SGCE: variants seen among roughly 807,000 people sequenced by gnomAD.
SGCE encodes the protein sarcoglycan epsilon.
SGCE carries 26 observed loss-of-function variants against 57.8 expected under a neutral mutation model. The observed-to-expected ratio is 0.45, with a 90% CI of 0.33 to 0.62. The LOEUF (loss-of-function observed/expected upper bound fraction) is 0.62, where lower values mean the gene tolerates loss of function less well. SGCE is among the 20% of genes least tolerant of loss of function. The pLI, the probability that SGCE is intolerant of heterozygous loss-of-function variation, is 0.02. For synonymous variants in SGCE, 183 were observed against 189.5 expected, an observed-to-expected ratio of 0.97 and a Z score of 0.28; for missense variants, 468 against 548.6, an observed-to-expected ratio of 0.85 and a Z score of 1.47.
rs1167547050 is a variant in SGCE at position 94,600,765 on chromosome 7, A to C, written c.918T>G (p.Asp306Glu). The change falls in exon 7 of 11, where the codon GAT (aspartate) becomes GAG (glutamate). Residue 306 changes from aspartate to glutamate, a missense_variant. Coordinates refer to ENST00000648936, the MANE Select transcript of SGCE (RefSeq NM_003919.3). Reference protein sequence around the residue: ...PDGGEYKPPSDSLKSRDYYTD... With the variant: ...PDGGEYKPPSESLKSRDYYTD... ...TGTAATAGTCTCTGCTTTTCAAAGA[A>C]TCAGAAGGGGGTTTGTATTCTCCAC... 3 of 1,613,666 alleles carry C rather than the reference A, an allele frequency of 1.9e-6. No individual in the cohort carries two copies. Among genetic ancestry groups the C allele is most frequent in the Non-Finnish European group, 2.5e-6 (3 of 1,179,876 alleles).
At chr7:94,640,545 A>G (rs1806238508) in intron 1 of SGCE, among the ~76,000 whole-genome samples, 1 of 152,072 alleles carries the variant, frequency 6.6e-6, no homozygotes, top group African/African-American at 2.4e-5. Context: ...TCTCCATCCT[A>G]TTCTCCCTTG....
Position 94,636,721 on chromosome 7 carries a change from A to G in SGCE, c.110-6880T>C, listed in dbSNP as rs113803351. On this transcript the variant is annotated intron_variant, in intron 1 of 10. Transcript: ENST00000648936. Reference sequence around the variant, plus strand: ...AAAAGTTAAGGCATTCAAATTCCTTAGAATCCTATTTACAGAAGAAGTACC... The same window carrying G: ...AAAAGTTAAGGCATTCAAATTCCTTGGAATCCTATTTACAGAAGAAGTACC... 8.5e-3 allele frequency among the ~76,000 whole-genome samples: 1,302 copies of G among 152,292 alleles called. 26 individuals carry two copies. Among genetic ancestry groups the G allele is most frequent in the African/African-American group, 0.03 (1,239 of 41,556 alleles).
At chr7:94,633,778 T>C (rs1047239687) in intron 1 of SGCE, among the ~76,000 whole-genome samples, 13 of 152,188 alleles carry the variant, frequency 8.5e-5, no homozygotes, top group Non-Finnish European at 1.6e-4. Flanking sequence ...TTAGTAAACA[T>C]TAAATTTTGA....
intron 10 of SGCE, chr7:94,587,858 A>T: frequency 6.5e-7 from 1 of 1,527,694 alleles, no homozygotes; most frequent in African/African-American, 1.4e-5. Flanking sequence ...TTCTGAATGA[A>T]AACATCCAAC....
At chr7:94,612,705 T>C (rs1390112379) in intron 5 of SGCE, among the ~76,000 whole-genome samples, 2 of 152,172 alleles carry the variant, frequency 1.3e-5, no homozygotes, top group Admixed American at 1.3e-4. Flanking sequence ...CAAACTACTT[T>C]CATCTCTACT....
intron 1 of SGCE, among the ~76,000 whole-genome samples, chr7:94,631,974 G>T (rs924887368): frequency 1.1e-4 from 17 of 152,092 alleles, no homozygotes; most frequent in Middle Eastern, 3.4e-3. Flanking sequence ...CTAGAAGAGA[G>T]TCTGGTATAT....
intron 1 of SGCE, among the ~76,000 whole-genome samples, chr7:94,647,371 T>C (rs1039999865): frequency 6.6e-6 from 1 of 152,064 alleles, no homozygotes; most frequent in Non-Finnish European, 1.5e-5. Flanking sequence ...CCCTAAAATA[T>C]CCCTCCTATC....
chr7:94,638,415 T>G (rs1181232060), intron 1 of SGCE, among the ~76,000 whole-genome samples: 2 of 152,186 alleles, frequency 1.3e-5, no homozygotes, highest in African/African-American at 4.8e-5. Flanking sequence ...ACTTCAGAGA[T>G]GTATGAAGAA....
chr7:94,619,079 T>TA (rs1802371373), intron 4 of SGCE, 123 bp from the exon 5 acceptor site: 2 of 732,372 alleles, frequency 2.7e-6, no homozygotes, highest in Non-Finnish European at 4.9e-6. Flanking sequence ...GCAATATTAA[T>TA]ACTGACTTTA....
At chr7:94,600,559 C>A in intron 7 of SGCE, 87 bp downstream of exon 7, 1 of 945,358 alleles carries the variant, frequency 1.1e-6, no homozygotes, top group Non-Finnish European at 1.7e-6. Flanking sequence ...GTTTTATGAA[C>A]CAAATGAAAC....
chr7:94,594,172 A>G (rs941722552), intron 9 of SGCE, among the ~76,000 whole-genome samples: 15 of 152,166 alleles, frequency 9.9e-5, no homozygotes, highest in African/African-American at 3.6e-4. Context: ...TACGTAATAG[A>G]TTTTTGATGT....
chr7:94,649,938 G>A (rs1400357270), intron 1 of SGCE, among the ~76,000 whole-genome samples: 4 of 152,066 alleles, frequency 2.6e-5, no homozygotes, highest in African/African-American at 7.2e-5. Flanking sequence ...TGTAGAATCC[G>A]AAACTACTCA....
intron 1 of SGCE, among the ~76,000 whole-genome samples, chr7:94,651,082 AT>A (rs761994987): frequency 2.0e-4 from 31 of 151,694 alleles, no homozygotes; most frequent in East Asian, 3.9e-4. Context: ...AACCTAACTA[AT>A]TTTTTTTTCT....
chr7:94,614,624 T>C (rs912030241), intron 5 of SGCE, among the ~76,000 whole-genome samples: 13 of 152,178 alleles, frequency 8.5e-5, no homozygotes, highest in African/African-American at 2.9e-4. Context: ...AATTTGTACT[T>C]ATATTTTCAA....
intron 5 of SGCE, chr7:94,617,758 T>G (rs191269778): frequency 1.3e-5 from 2 of 148,796 alleles, no homozygotes; most frequent in African/African-American, 5.0e-5. Flanking sequence ...TAAGTTGGAC[T>G]TTACAGCTCA....
intron 3 of SGCE, chr7:94,624,428 T>C: frequency 5.2e-6 from 2 of 387,806 alleles, no homozygotes. Flanking sequence ...CTTTTAACAA[T>C]GTTTAAAAGG....
chr7:94,595,870 AAAGAT>A (rs1271179010), intron 9 of SGCE, among the ~76,000 whole-genome samples: 1 of 152,124 alleles, frequency 6.6e-6, no homozygotes, highest in Admixed American at 6.5e-5. Context: ...AGAATAAAAG[AAAGAT>A]AATATACACT....
intron 5 of SGCE, among the ~76,000 whole-genome samples, chr7:94,608,028 G>A (rs887086425): frequency 7.2e-5 from 11 of 152,128 alleles, no homozygotes; most frequent in African/African-American, 2.7e-4. Context: ...CTATATACCA[G>A]CATGAACAGG....
At chr7:94,588,328 T>G (rs1797190494) in intron 10 of SGCE, 6 of 1,082,272 alleles carry the variant, frequency 5.5e-6, no homozygotes, top group Non-Finnish European at 6.7e-6. Context: ...AGCTTGAAAC[T>G]TCAAGCTGCT....
Sources: allele counts gnomAD v4.1 joint callset (sites outside exome capture counted in the v4.1 genomes callset), GRCh38; gene constraint gnomAD v4.1.1; transcripts MANE v1.5; gene names NCBI Gene and HGNC (gene_info 2026-07-23, HGNC 2026-07-21).